Variants in ALDH1A2 observed in about 807,000 individuals in gnomAD.
The protein encoded by ALDH1A2 is aldehyde dehydrogenase 1 family member A2.
In ALDH1A2, 27 loss-of-function variants were observed where a neutral mutation model predicts 60.3. The observed-to-expected ratio is 0.45, with a 90% CI of 0.33 to 0.62. The LOEUF is 0.62. Ranked by LOEUF, ALDH1A2 falls within the 20% of genes least tolerant of loss-of-function variation. The pLI, the probability that ALDH1A2 is intolerant of heterozygous loss-of-function variation, is 0.02. For synonymous variants in ALDH1A2, 289 were observed against 232.4 expected, an observed-to-expected ratio of 1.24 and a Z score of -2.21; for missense variants, 581 against 643.8, an observed-to-expected ratio of 0.90 and a Z score of 1.06.
In ALDH1A2 at chr15:58,047,463, G is replaced by T. The variant is rs193071007; in HGVS notation, c.117+18071C>A. On this transcript the variant is annotated intron_variant, in intron 1 of 12. Coordinates refer to ENST00000249750, the MANE Select transcript of ALDH1A2 (RefSeq NM_003888.4). ...TAATGGTAGTTATCTCCTTTTACAT[G>T]ATTGTCCCACTGTTTCTACTTTAAA... 3.3e-5 allele frequency among the ~76,000 whole-genome samples: 5 copies of T among 152,010 alleles called. No homozygotes were observed. The East Asian group carries it at 9.7e-4, about 30-fold the overall frequency.
chr15:57,969,524 A>G (rs969593760), intron 7 of ALDH1A2, among the ~76,000 whole-genome samples: 2 of 152,206 alleles, frequency 1.3e-5, no homozygotes, highest in Non-Finnish European at 1.5e-5. Context: ...CCTCAGGGAT[A>G]CTGTCCCTCC....
At chr15:58,020,115 A>G (rs1450608588) in intron 1 of ALDH1A2, among the ~76,000 whole-genome samples, 1 of 152,058 alleles carries the variant, frequency 6.6e-6, no homozygotes, top group East Asian at 1.9e-4. Context: ...TGCTGAGGAT[A>G]ATGGCTTCCA....
intron 4 of ALDH1A2, among the ~76,000 whole-genome samples, chr15:58,009,387 C>T (rs1895557606): frequency 6.6e-6 from 1 of 151,978 alleles, no homozygotes; most frequent in Non-Finnish European, 1.5e-5. Context: ...AAGAACTATT[C>T]CCAGCCATCC....
At chr15:58,022,459 C>T (rs922454557) in intron 1 of ALDH1A2, among the ~76,000 whole-genome samples, 6 of 152,132 alleles carry the variant, frequency 3.9e-5, no homozygotes, top group Admixed American at 2.6e-4. Flanking sequence ...ACTGCCATTG[C>T]CATGCCATAC....
At chr15:58,039,032 C>T (rs1342596552) in intron 1 of ALDH1A2, among the ~76,000 whole-genome samples, 1 of 151,754 alleles carries the variant, frequency 6.6e-6, no homozygotes, top group Non-Finnish European at 1.5e-5. Context: ...ATTCAGCAGA[C>T]ATTCATTCCC....
intron 8 of ALDH1A2, 68 bp downstream of exon 8, chr15:57,965,656 AG>A: frequency 3.6e-6 from 4 of 1,124,076 alleles, no homozygotes. Flanking sequence ...TCCCATCAAA[AG>A]TGGAGATATA....
At chr15:58,019,039 A>G (rs1411845948) in intron 1 of ALDH1A2, among the ~76,000 whole-genome samples, 2 of 152,178 alleles carry the variant, frequency 1.3e-5, no homozygotes, top group African/African-American at 4.8e-5. Flanking sequence ...CCTGATTTTT[A>G]TAACTTTTAT....
At chr15:57,991,703 T>C (rs768694957) in intron 7 of ALDH1A2, 10 of 152,238 alleles carry the variant, frequency 6.6e-5, no homozygotes, top group Non-Finnish European at 1.5e-4. Flanking sequence ...TTGAAAATAC[T>C]GGATTAAAGT....
At chr15:57,996,277 A>G (rs1200109997) in intron 4 of ALDH1A2, among the ~76,000 whole-genome samples, 1 of 151,874 alleles carries the variant, frequency 6.6e-6, no homozygotes, top group Non-Finnish European at 1.5e-5. Flanking sequence ...TATTTTTTAA[A>G]TAATTACATT....
At chr15:58,055,674 A>T (rs1458252817) in intron 1 of ALDH1A2, among the ~76,000 whole-genome samples, 1 of 152,064 alleles carries the variant, frequency 6.6e-6, no homozygotes, top group African/African-American at 2.4e-5. Context: ...CTTCCACAAT[A>T]TTTTCTTTAA....
In ALDH1A2 at chr15:58,062,946, T is replaced by C. The variant is rs867348370; in HGVS notation, c.117+2588A>G. On this transcript the variant is annotated intron_variant, in intron 1 of 12. Coordinates refer to ENST00000249750, the MANE Select transcript of ALDH1A2 (RefSeq NM_003888.4). ...GGAATGAACTTTAATTCTGGAGCAT[T>C]TCCACTGGACCTCTAGCAGGCAAAG... is the stretch of plus-strand genomic sequence containing the variant. Among the ~76,000 whole-genome samples the C allele has an allele frequency of 5.9e-5, 9 of 152,330 alleles. 1 individual carries two copies. The Middle Eastern group carries it at 0.017, about 288-fold the overall frequency.
chr15:58,012,676 T>C (rs1895668404), intron 3 of ALDH1A2, among the ~76,000 whole-genome samples: 1 of 152,208 alleles, frequency 6.6e-6, no homozygotes, highest in African/African-American at 2.4e-5. Flanking sequence ...ATAAATGTTA[T>C]ATATAGCTAG....
intron 1 of ALDH1A2, among the ~76,000 whole-genome samples, chr15:58,028,775 A>C (rs1428385344): frequency 6.6e-6 from 1 of 152,200 alleles, no homozygotes. Context: ...ACAGACTTTA[A>C]ACCAACAAAG....
At chr15:58,002,914 C>A (rs570717641) in intron 4 of ALDH1A2, among the ~76,000 whole-genome samples, 1 of 151,910 alleles carries the variant, frequency 6.6e-6, no homozygotes, top group East Asian at 1.9e-4. Context: ...CAGACCTCAC[C>A]CAACATTTTA....
chr15:58,064,664 ATC>A (rs1283049970), intron 1 of ALDH1A2, among the ~76,000 whole-genome samples: 1 of 152,122 alleles, frequency 6.6e-6, no homozygotes, highest in Non-Finnish European at 1.5e-5. Flanking sequence ...TTTCAATCCC[ATC>A]TCTCTCTCAC....
At chr15:58,005,532 C>T (rs557083384) in intron 4 of ALDH1A2, among the ~76,000 whole-genome samples, 1 of 152,010 alleles carries the variant, frequency 6.6e-6, no homozygotes, top group South Asian at 2.1e-4. Flanking sequence ...AAGAAAATCC[C>T]TTCCAATTAC....
chr15:57,978,784 C>A (rs1894369399), intron 7 of ALDH1A2, among the ~76,000 whole-genome samples: 1 of 152,196 alleles, frequency 6.6e-6, no homozygotes, highest in African/African-American at 2.4e-5. Flanking sequence ...CGCCTGTAAT[C>A]TCAGCACTTA....
intron 1 of ALDH1A2, among the ~76,000 whole-genome samples, chr15:58,061,646 A>G (rs1897042382): frequency 6.6e-6 from 1 of 151,016 alleles, no homozygotes; most frequent in Non-Finnish European, 1.5e-5. Flanking sequence ...ACGATGAAAA[A>G]ACAACGTGCC....
rs189583226 is a variant in ALDH1A2, at chr15:58,013,909, A to G, written c.312T>C (p.Arg104=). Residue 104 remains arginine, a synonymous_variant, in exon 3 of 13, where the codon CGT becomes CGC. Transcript: ENST00000249750. ...WRRMDASERG[R]LLDKLADLVE... ...CCAAGTCTGCAAGCTTATCCAACAG[A>G]CGTCCCCTTTCTGAAGCATCCATCC... 139 of 1,614,148 alleles carry G rather than the reference A, an allele frequency of 8.6e-5. 1 individual carries two copies. In the Middle Eastern group the frequency reaches 1.7e-3, roughly 19 times the overall value.
Sources: allele counts gnomAD v4.1 joint callset (sites outside exome capture counted in the v4.1 genomes callset), GRCh38; gene constraint gnomAD v4.1.1; transcripts MANE v1.5; gene names NCBI Gene and HGNC (gene_info 2026-07-23, HGNC 2026-07-21).